CILP: variants seen among roughly 807,000 people sequenced by gnomAD.
The protein encoded by CILP is cartilage intermediate layer protein 1.
A neutral mutation model predicts 82.5 loss-of-function variants in CILP; 75 were observed. The observed-to-expected ratio is 0.91, with a 90% CI of 0.75 to 1.10. The LOEUF (loss-of-function observed/expected upper bound fraction) is 1.10, where lower values mean the gene tolerates loss of function less well. Ranked by LOEUF, CILP falls within the 50% of genes least tolerant of loss-of-function variation. CILP has a pLI of 0.00. For synonymous variants in CILP, 530 were observed against 580.3 expected (o/e 0.91, Z 1.25); for missense variants, 1,479 against 1,530.8 (o/e 0.97, Z 0.56).
At chr15:65,208,605 C>A (rs529685888) in intron 2 of CILP, among the ~76,000 whole-genome samples, 1 of 152,172 alleles carries the variant, frequency 6.6e-6, no homozygotes, top group Non-Finnish European at 1.5e-5. Context: ...ATTTTCCATA[C>A]GAGGCTGGCA....
rs1391835461 is a variant in CILP, at chr15:65,197,678, T to C, written c.2608A>G (p.Lys870Glu). Residue 870 changes from lysine to glutamate, a missense_variant, in exon 9 of 9, where the codon AAA (lysine) becomes GAA (glutamate). Transcript: ENST00000261883. ...ATGCTAATCTGGAAAGCTGTCTTTT[T>C]AACCCGTGGATCCTCATGGTCCGTC... Reference protein sequence around the residue: ...RRTDHEDPRVKKTAFQISMAK... With the variant: ...RRTDHEDPRVEKTAFQISMAK... 1 of 1,614,012 alleles carries C rather than the reference T, an allele frequency of 6.2e-7. No individual in the cohort carries two copies. The highest frequency in any genetic ancestry group is 2.2e-5 in the East Asian group (1 of 44,882).
intron 8 of CILP, among the ~76,000 whole-genome samples, chr15:65,199,647 A>G (rs946747839): frequency 6.6e-6 from 1 of 152,092 alleles, no homozygotes; most frequent in Non-Finnish European, 1.5e-5. Context: ...ACATGATGAA[A>G]CCCTGTCTCT....
intron 2 of CILP, 47 bp downstream of exon 2, chr15:65,209,648 C>G (rs769143198): frequency 2.5e-6 from 4 of 1,592,374 alleles, no homozygotes; most frequent in Non-Finnish European, 3.4e-6. Flanking sequence ...CACAACCTCA[C>G]TGTGGCAAGT....
Position 65,198,996 on chromosome 15 carries a change from T to C in CILP, c.1290A>G (p.Gly430=). The C allele has an allele frequency of 6.2e-7, 1 of 1,611,794 alleles. No homozygotes were observed. The highest frequency in any genetic ancestry group is 8.5e-7 in the Non-Finnish European group (1 of 1,179,998). The change falls in exon 9 of 9, where the codon GGA becomes GGG. Residue 430 remains glycine, a synonymous_variant. Coordinates refer to ENST00000261883, the MANE Select transcript of CILP (RefSeq NM_003613.4). Reference sequence around the variant, plus strand: ...CTGCACAAGTCTTAACAGGGCAGCGTCCCACGTCATAGTAGAAGGAGTTGG... The same window carrying C: ...CTGCACAAGTCTTAACAGGGCAGCGCCCCACGTCATAGTAGAAGGAGTTGG... The part of the protein sequence containing the change: ...NATNSFYYDV[G]RCPVKTCAGQ...
intron 4 of CILP, among the ~76,000 whole-genome samples, chr15:65,205,980 C>A (rs1267710666): frequency 1.3e-5 from 2 of 152,180 alleles, no homozygotes; most frequent in Non-Finnish European, 2.9e-5. Flanking sequence ...AGATGACCAC[C>A]ACTGGCGTCT....
At chr15:65,207,567 G>C in intron 3 of CILP, 105 bp downstream of exon 3, 1 of 912,836 alleles carries the variant, frequency 1.1e-6, no homozygotes, top group Non-Finnish European at 1.7e-6. Flanking sequence ...TTGTAAAAGT[G>C]GGTTTCCATG....
At position 65,194,811 on chromosome 15, in the gene CILP, G is replaced by C. The variant is rs1340793558; in HGVS notation, c.*1920C>G. 4 of 152,050 alleles carry C rather than the reference G, an allele frequency of 2.6e-5. No homozygotes were observed. Among genetic ancestry groups the C allele is most frequent in the Non-Finnish European group, 5.9e-5 (4 of 68,042 alleles). 9.4% of individuals were successfully genotyped at this position (152,050 alleles called of 1,614,324 possible). ...CCCTCAATTGAGAACAGCAAGGAAA[G>C]TGCCCTAGAGTGGGGAACCAGTCAG... On this transcript the variant is annotated 3_prime_UTR_variant, in exon 9 of 9. Transcript: ENST00000261883.
chr15:65,195,220 C>G lies in CILP; in HGVS notation c.*1511G>C, dbSNP rs1182389234. 6.6e-6 allele frequency: 1 copy of G among 152,236 alleles called. No homozygotes were observed. Among genetic ancestry groups the G allele is most frequent in the Non-Finnish European group, 1.5e-5 (1 of 68,076 alleles). 9.4% of individuals were successfully genotyped at this position (152,236 alleles called of 1,614,324 possible). ...TGGTGATCCAAGAGTACAAATCCAG[C>G]CCAGGCCAGAGATGGGTAAAGGAGC... On this transcript the variant is annotated 3_prime_UTR_variant, in exon 9 of 9. Transcript: ENST00000261883.
At chr15:65,201,792 T>A (rs1334713272) in intron 8 of CILP, 80 bp downstream of exon 8, 2 of 850,200 alleles carry the variant, frequency 2.4e-6, no homozygotes, top group African/African-American at 3.5e-5. Flanking sequence ...CCTTAGCTAT[T>A]ACTGCATAGT....
chr15:65,204,189 A>C lies in CILP; in HGVS notation c.919+79T>G, dbSNP rs372444187. ...GGGTTTTACTCCAAGTTAGCTGGGA[A>C]GCCAGCTTTTAGCACTATAATCCCT... On this transcript the variant is annotated intron_variant, in intron 6 of 8. Coordinates refer to ENST00000261883, the MANE Select transcript of CILP (RefSeq NM_003613.4). The C allele has an allele frequency of 3.9e-5, 53 of 1,350,678 alleles. 1 individual carries two copies. In the African/African-American group the frequency reaches 7.3e-4, roughly 19 times the overall value. The allele number at this position is 1,350,678 out of a possible 1,614,324, so 83.7% of individuals were successfully genotyped here.
In CILP at chr15:65,204,574, G is replaced by A; in HGVS notation, c.613C>T (p.Leu205=). Residue 205 remains leucine (L), a synonymous_variant, in exon 6 of 9, where the codon CTG becomes TTG. Transcript: ENST00000261883. ...CMGQDCTACD[L]TCPMGQVNAD... ...TTCACCTGGCCCATTGGGCAGGTCAGGTCACAGGCTGTGGAACAAGGGGCC... is the reference window on the plus strand; with the variant it reads ...TTCACCTGGCCCATTGGGCAGGTCAAGTCACAGGCTGTGGAACAAGGGGCC... 6.3e-7 allele frequency: 1 copy of A among 1,593,544 alleles called. No individual in the cohort carries two copies.
chr15:65,208,246 T>G (rs936454386), intron 2 of CILP, among the ~76,000 whole-genome samples: 1 of 152,194 alleles, frequency 6.6e-6, no homozygotes, highest in Non-Finnish European at 1.5e-5. Context: ...GAGGATTCCA[T>G]GAGCTAGAAC....
At chr15:65,208,883 G>C (rs972888715) in intron 2 of CILP, among the ~76,000 whole-genome samples, 1 of 152,168 alleles carries the variant, frequency 6.6e-6, no homozygotes, top group Non-Finnish European at 1.5e-5. Context: ...AGCAGCAGCT[G>C]TCAGGGTGGA....
chr15:65,208,097 G>A (rs2019185), intron 2 of CILP, among the ~76,000 whole-genome samples: 80,105 of 151,998 alleles, frequency 0.53, 21,781 homozygotes, highest in Non-Finnish European at 0.6. Flanking sequence ...TGGATTATCA[G>A]ATGCTCCTGA....
chr15:65,197,090 G>A lies in CILP; in HGVS notation c.3196C>T (p.Pro1066Ser), dbSNP rs1437710076. Residue 1066 changes from proline to serine, a missense_variant, in exon 9 of 9, where the codon CCC (proline) becomes TCC (serine). Pro to Ser is a moderately conservative substitution (Grantham distance 74). Transcript: ENST00000261883. ...TAGTTGTGGCCCAGTGGGTCCAAGGGTGCCAGCATGGTGTACTCACTGGTG... is the reference window on the plus strand; with the variant it reads ...TAGTTGTGGCCCAGTGGGTCCAAGGATGCCAGCATGGTGTACTCACTGGTG... Reference protein sequence around the residue: ...NDTSEYTMLAPLDPLGHNYGI... With the variant: ...NDTSEYTMLASLDPLGHNYGI... 2 of 1,614,142 alleles carry A rather than the reference G, an allele frequency of 1.2e-6. No individual in the cohort carries two copies. The highest frequency in any genetic ancestry group is 1.7e-6 in the Non-Finnish European group (2 of 1,180,026).
chr15:65,206,713 A>G (rs1270576814), intron 4 of CILP, 69 bp downstream of exon 4: 2 of 1,490,262 alleles, frequency 1.3e-6, no homozygotes, highest in African/African-American at 1.5e-5. Flanking sequence ...GGCCAGAGGC[A>G]GGTTCTCCCT....
At chr15:65,199,939 G>A (rs1019114603) in intron 8 of CILP, among the ~76,000 whole-genome samples, 2 of 152,134 alleles carry the variant, frequency 1.3e-5, no homozygotes, top group African/African-American at 4.8e-5. Flanking sequence ...GTTTAGCTCA[G>A]AACAATACCA....
chr15:65,204,663 C>A, intron 5 of CILP, 81 bp from the exon 6 acceptor site: 1 of 1,388,942 alleles, frequency 7.2e-7, no homozygotes, highest in Non-Finnish European at 9.6e-7. Flanking sequence ...ACTTCCTCTC[C>A]TCCTTGGCCT....
intron 2 of CILP, 55 bp from the exon 3 acceptor site, chr15:65,207,819 T>A (rs2088535035): frequency 6.8e-7 from 1 of 1,460,862 alleles, no homozygotes; most frequent in Non-Finnish European, 9.6e-7. Context: ...GTTACAGCAT[T>A]CCTCAAGATG....
Sources: allele counts gnomAD v4.1 joint callset (sites outside exome capture counted in the v4.1 genomes callset), GRCh38; gene constraint gnomAD v4.1.1; transcripts MANE v1.5; gene names NCBI Gene and HGNC (gene_info 2026-07-23, HGNC 2026-07-21).